IPP: variants seen among roughly 807,000 people sequenced by gnomAD.
IPP encodes intracisternal A particle-promoted polypeptide, also known as actin-binding protein IPP.
In IPP, 41 loss-of-function variants were observed where a neutral mutation model predicts 64.1. That is an observed-to-expected ratio of 0.64 (90% CI 0.50 to 0.83). The LOEUF is 0.83. Among genes scored for constraint, IPP ranks in the 40% least tolerant of loss-of-function variants. The pLI is 0.00. For synonymous variants in IPP, 214 were observed against 235.2 expected (o/e 0.91, Z 0.83); for missense variants, 649 against 703.0 (o/e 0.92, Z 0.87).
rs756055700 is a variant in IPP, at chr1:45,745,701, T to TA, written c.292+418dup. 2.9e-3 allele frequency among the ~76,000 whole-genome samples: 411 copies of TA among 139,492 alleles called. 1 individual carries two copies. Among genetic ancestry groups the TA allele is most frequent in the South Asian group, 4.6e-3 (20 of 4,368 alleles). 91.5% of individuals were successfully genotyped at this position (139,492 alleles called of 152,430 possible). On this transcript the variant is annotated intron_variant, in intron 2 of 8. Transcript: ENST00000396478. The stretch of plus-strand genomic sequence containing the variant: ...GTGAAATCCTGTCTCTACTAAAAAT[T>TA]AAAAAAAAAAAAAAATTAGCCAGGT...
chr1:45,722,978 G>A (rs956108078), intron 5 of IPP, among the ~76,000 whole-genome samples: 1 of 152,198 alleles, frequency 6.6e-6, no homozygotes, highest in Admixed American at 6.5e-5. Flanking sequence ...GGAGAGATGG[G>A]AAGTGACTGC....
Position 45,746,171 on chromosome 1 carries a change from G to C in IPP, c.241C>G (p.Leu81Val). 1 of 1,613,992 alleles carries C rather than the reference G, an allele frequency of 6.2e-7. No individual in the cohort carries two copies. Among genetic ancestry groups the C allele is most frequent in the Non-Finnish European group, 8.5e-7 (1 of 1,179,884 alleles). The change falls in exon 2 of 9, where the codon CTA (leucine) becomes GTA (valine). Residue 81 changes from leucine (L) to valine (V), a missense_variant. Leu to Val is a conservative substitution (Grantham distance 32). Coordinates refer to ENST00000396478, the MANE Select transcript of IPP (RefSeq NM_005897.3). ...TGAAAGATTCCTGCTTCAATTCCTA[G>C]AATCGGTACAACATCTTTTGAGGAC... ...KESSKDVVPI[L>V]GIEAGIFQIL...
rs1004469094 is a variant in IPP at position 45,741,169 on chromosome 1, A to G, written c.456T>C (p.His152=). Residue 152 remains histidine, a synonymous_variant, in exon 3 of 9, where the codon CAT becomes CAC. Transcript: ENST00000396478. ...AGTTTTCTGAGAATTCCAAGAGATC[A>G]TGGCAGGCAATTTGCTCAGAGAACT... ...IFQFSEQIAC[H]DLLEFSENYI... is the part of the protein sequence containing the mutation. The G allele has an allele frequency of 6.2e-7, 1 of 1,614,092 alleles. No homozygotes were observed. Among genetic ancestry groups the G allele is most frequent in the African/African-American group, 1.3e-5 (1 of 74,946 alleles).
intron 7 of IPP, 125 bp downstream of exon 7, chr1:45,716,770 A>G (rs1469548284): frequency 4.4e-6 from 3 of 687,220 alleles, no homozygotes; most frequent in Non-Finnish European, 7.2e-6. Context: ...CAGAACTTCT[A>G]TGCTGCTAGT....
intron 8 of IPP, 34 bp downstream of exon 8, chr1:45,714,212 C>T (rs758794945): frequency 2.4e-5 from 33 of 1,392,534 alleles, no homozygotes; most frequent in Middle Eastern, 3.5e-4. Flanking sequence ...AAAAGAATAT[C>T]AGGATACTAA....
At position 45,732,802 on chromosome 1, in the gene IPP, G is replaced by T. The variant is rs191473531; in HGVS notation, c.725-3033C>A. Among the ~76,000 whole-genome samples, 766 of 152,018 alleles carry T rather than the reference G, an allele frequency of 5.0e-3. 6 individuals carry two copies. Among genetic ancestry groups the T allele is most frequent in the African/African-American group, 0.017 (722 of 41,468 alleles). On this transcript the variant is annotated intron_variant, in intron 3 of 8. Transcript: ENST00000396478. ...CTGCCTCAGCCTTCCGAGTAGCTAG[G>T]ACTACAGGCACCCACCCCCACGCCT...
chr1:45,694,554 G>A, downstream of IPP: 1 of 1,127,794 alleles, frequency 8.9e-7, no homozygotes, highest in African/African-American at 1.5e-5. Flanking sequence ...TTTCACAGGA[G>A]TTACCACTGG....
chr1:45,740,793 C>A, intron 3 of IPP, 108 bp downstream of exon 3: 1 of 617,724 alleles, frequency 1.6e-6, no homozygotes, highest in Admixed American at 3.5e-5. Flanking sequence ...AGTAATCATT[C>A]AATAAATGTC....
At chr1:45,740,228 AC>A (rs1036848745) in intron 3 of IPP, among the ~76,000 whole-genome samples, 36 of 152,314 alleles carry the variant, frequency 2.4e-4, no homozygotes, top group African/African-American at 7.7e-4. Flanking sequence ...ACCTCTTTCT[AC>A]ACAGACACAG....
intron 4 of IPP, among the ~76,000 whole-genome samples, chr1:45,728,129 T>TGCGTGC (rs1297643963): frequency 1.1e-4 from 10 of 87,498 alleles, no homozygotes; most frequent in African/African-American, 7.4e-4. Flanking sequence ...TTGAAAGCTG[T>TGCGTGC]GTGTGTGTGT....
At chr1:45,738,008 C>G (rs1646002964) in intron 3 of IPP, among the ~76,000 whole-genome samples, 1 of 152,110 alleles carries the variant, frequency 6.6e-6, no homozygotes, top group Non-Finnish European at 1.5e-5. Context: ...CTTACTGTCT[C>G]TAATTTATAA....
At chr1:45,707,239 C>T (rs531432416) in intron 8 of IPP, among the ~76,000 whole-genome samples, 264 of 152,068 alleles carry the variant, frequency 1.7e-3, no homozygotes, top group Non-Finnish European at 2.8e-3. Context: ...CTGGCTAACA[C>T]GGTGAAACCC....
chr1:45,737,907 A>G (rs762441675), intron 3 of IPP, among the ~76,000 whole-genome samples: 5 of 152,206 alleles, frequency 3.3e-5, no homozygotes, highest in Non-Finnish European at 1.5e-5. Flanking sequence ...GGACAGTATA[A>G]TAAGATATTT....
chr1:45,721,488 T>C (rs1371241112), intron 5 of IPP, among the ~76,000 whole-genome samples: 1 of 152,236 alleles, frequency 6.6e-6, no homozygotes, highest in Non-Finnish European at 1.5e-5. Context: ...GAATTAAGCA[T>C]GTCATGTGTG....
Position 45,704,933 on chromosome 1 carries a change from T to G in IPP, c.1531-4743A>C, listed in dbSNP as rs78746914. 3.0e-3 allele frequency among the ~76,000 whole-genome samples: 459 copies of G among 152,318 alleles called. 3 individuals are homozygous for G. Among genetic ancestry groups the G allele is most frequent in the East Asian group, 0.022 (114 of 5,184 alleles). On this transcript the variant is annotated intron_variant, in intron 8 of 8. Coordinates refer to ENST00000396478, the MANE Select transcript of IPP (RefSeq NM_005897.3). ...AACAACCCAGAAGTACCACCCTTTT[T>G]CTAGAAAATTCTGAATAACCCACCA...
At chr1:45,746,916 G>A (rs1347867374) in intron 1 of IPP, among the ~76,000 whole-genome samples, 1 of 152,110 alleles carries the variant, frequency 6.6e-6, no homozygotes, top group Non-Finnish European at 1.5e-5. Context: ...CGGGATTCTT[G>A]TTATAATTTA....
chr1:45,696,398 C>T (rs1026090756), downstream of IPP, among the ~76,000 whole-genome samples: 1 of 152,196 alleles, frequency 6.6e-6, no homozygotes, highest in Non-Finnish European at 1.5e-5. Flanking sequence ...TTGTGCAATC[C>T]TACTACAGTT....
At chr1:45,715,232 T>C (rs919005562) in intron 7 of IPP, among the ~76,000 whole-genome samples, 15 of 149,896 alleles carry the variant, frequency 1.0e-4, no homozygotes, top group Non-Finnish European at 1.8e-4. Context: ...CGGTAAAATA[T>C]AATGTAATTT....
chr1:45,745,484 G>A (rs994202660), intron 2 of IPP, among the ~76,000 whole-genome samples: 1 of 151,818 alleles, frequency 6.6e-6, no homozygotes, highest in African/African-American at 2.4e-5. Flanking sequence ...GATCTCATTT[G>A]TGAGATCTAT....
Sources: gnomAD v4.1 joint callset for allele counts (sites outside exome capture counted in the v4.1 genomes callset) on GRCh38, gnomAD v4.1.1 for gene constraint, MANE v1.5 for transcripts, NCBI Gene and HGNC (gene_info 2026-07-23, HGNC 2026-07-21) for gene names.